KLHL1: variants seen among roughly 807,000 people sequenced by gnomAD.
KLHL1 encodes kelch like family member 1, also known as kelch-like protein 1.
In KLHL1, 47 loss-of-function variants were observed where a neutral mutation model predicts 77.7. That is an observed-to-expected ratio of 0.60 (90% CI 0.48 to 0.77). The LOEUF is 0.77. Ranked by LOEUF, KLHL1 falls within the 30% of genes least tolerant of loss-of-function variation. The pLI is 0.00. For synonymous variants in KLHL1, 360 were observed against 325.2 expected, an observed-to-expected ratio of 1.11 and a Z score of -1.15; for missense variants, 925 against 910.8, an observed-to-expected ratio of 1.02 and a Z score of -0.20.
At chr13:70,029,147 G>A (rs5000345) in intron 1 of KLHL1, among the ~76,000 whole-genome samples, 93,020 of 151,930 alleles carry the variant, frequency 0.61, 30,237 homozygotes, top group East Asian at 0.81. Flanking sequence ...TTGTGGTTGG[G>A]GGACTGGTAA....
At chr13:69,964,007 A>G (rs1410669536) in intron 2 of KLHL1, among the ~76,000 whole-genome samples, 1 of 151,970 alleles carries the variant, frequency 6.6e-6, no homozygotes. Flanking sequence ...ATACAATTTC[A>G]TTATCAATTA....
In KLHL1 at chr13:70,039,714, A is replaced by C. The variant is rs76267849; in HGVS notation, c.498-63912T>G. 0.025 allele frequency among the ~76,000 whole-genome samples: 3,600 copies of C among 141,198 alleles called. 370 individuals are homozygous for C. The East Asian group carries it at 0.35, about 14-fold the overall frequency. 92.6% of individuals were successfully genotyped at this position (141,198 alleles called of 152,430 possible). A position where few individuals can be genotyped will look rare whatever the true frequency, so the allele number is the denominator to read the frequency against. The stretch of plus-strand genomic sequence containing the variant: ...GAGAATAGTGGTGCCATCTCTGCTC[A>C]CTGCAACCTCTGCCTCCTGGACTCA... On this transcript the variant is annotated intron_variant, in intron 1 of 10. Transcript: ENST00000377844.
intron 1 of KLHL1, among the ~76,000 whole-genome samples, chr13:70,076,504 A>G (rs1409662736): frequency 1.3e-5 from 2 of 151,830 alleles, no homozygotes; most frequent in Non-Finnish European, 2.9e-5. Flanking sequence ...ATACAATGAA[A>G]AATTATAAAA....
intron 1 of KLHL1, among the ~76,000 whole-genome samples, chr13:70,093,171 G>A (rs1593737989): frequency 6.6e-6 from 1 of 152,088 alleles, no homozygotes; most frequent in Non-Finnish European, 1.5e-5. Context: ...CTTAGAAGAG[G>A]TGAAAATACG....
chr13:69,811,934 C>T (rs903009692), intron 6 of KLHL1, among the ~76,000 whole-genome samples: 3 of 151,944 alleles, frequency 2.0e-5, no homozygotes, highest in Non-Finnish European at 2.9e-5. Context: ...TTATTTCTTG[C>T]CTTCTGCTAG....
At chr13:69,894,864 C>T in intron 4 of KLHL1, 1 of 276,840 alleles carries the variant, frequency 3.6e-6, no homozygotes, top group Admixed American at 4.2e-5. Flanking sequence ...CCTTTCCCAC[C>T]TTCTTCACCC....
At chr13:69,899,712 A>G (rs1881789828) in intron 4 of KLHL1, among the ~76,000 whole-genome samples, 1 of 152,072 alleles carries the variant, frequency 6.6e-6, no homozygotes, top group East Asian at 1.9e-4. Context: ...GCCGGAAAGG[A>G]ACAATAGAGA....
At position 70,107,394 on chromosome 13, in the gene KLHL1, C is replaced by T. The variant is rs763952774; in HGVS notation, c.306G>A (p.Arg102=). The T allele has an allele frequency of 6.2e-7, 1 of 1,613,818 alleles. No individual in the cohort carries two copies. The highest frequency in any genetic ancestry group is 1.7e-5 in the Admixed American group (1 of 60,024). The change falls in exon 1 of 11, where the codon AGG becomes AGA. Residue 102 remains arginine, a synonymous_variant. Coordinates refer to ENST00000377844, the MANE Select transcript of KLHL1 (RefSeq NM_020866.3). The stretch of plus-strand genomic sequence containing the variant: ...CCTGCCCAGGAGCCCCTTGCTGCAG[C>T]CTCGTGGCAACTGGAAGCAGGGTGC... ...LNGTLLPVAT[R]LQQGAPGQGT... is the part of the protein sequence containing the mutation.
intron 4 of KLHL1, among the ~76,000 whole-genome samples, chr13:69,935,947 G>A (rs761270000): frequency 3.3e-5 from 5 of 151,938 alleles, no homozygotes; most frequent in African/African-American, 9.7e-5. Context: ...AAAGAAATCC[G>A]CAATATATTT....
intron 1 of KLHL1, among the ~76,000 whole-genome samples, chr13:70,051,157 T>C (rs547617586): frequency 6.6e-6 from 1 of 152,116 alleles, no homozygotes; most frequent in East Asian, 1.9e-4. Context: ...TAAGAAATGT[T>C]TTCACACAAA....
chr13:69,845,052 C>T (rs1309149702), intron 5 of KLHL1, among the ~76,000 whole-genome samples: 1 of 151,608 alleles, frequency 6.6e-6, no homozygotes, highest in Non-Finnish European at 1.5e-5. Flanking sequence ...GCTTCAAGAG[C>T]CTAACCTTGC....
chr13:69,844,716 C>A (rs1046420038), intron 5 of KLHL1, among the ~76,000 whole-genome samples: 1 of 151,510 alleles, frequency 6.6e-6, no homozygotes, highest in Non-Finnish European at 1.5e-5. Context: ...ATAAAATGTT[C>A]ATTTTCTGAG....
rs112617747 is a variant in KLHL1, at chr13:69,861,880, G to T, written c.1227+20403C>A. 4.6e-3 allele frequency among the ~76,000 whole-genome samples: 686 copies of T among 150,412 alleles called. 11 individuals carry two copies. The highest frequency in any genetic ancestry group is 0.016 in the African/African-American group (656 of 41,024). ...CTCAGGAGTCTGAGGCAGGAGAATT[G>T]CCTGAACCTGGGAGGCGGAGGTTGT... On this transcript the variant is annotated intron_variant, in intron 5 of 10. Coordinates refer to ENST00000377844, the MANE Select transcript of KLHL1 (RefSeq NM_020866.3).
chr13:69,770,889 G>A (rs1010507144), intron 7 of KLHL1, among the ~76,000 whole-genome samples: 1 of 152,132 alleles, frequency 6.6e-6, no homozygotes, highest in African/African-American at 2.4e-5. Context: ...GGGATTACAG[G>A]CACACACCAC....
chr13:69,982,950 A>G (rs1884754946), intron 1 of KLHL1, among the ~76,000 whole-genome samples: 1 of 152,168 alleles, frequency 6.6e-6, no homozygotes, highest in Non-Finnish European at 1.5e-5. Context: ...ATGATTTTAT[A>G]TGTAGAAAAC....
intron 10 of KLHL1, among the ~76,000 whole-genome samples, chr13:69,705,918 GATATT>G (rs1328356314): frequency 1.3e-5 from 2 of 151,470 alleles, no homozygotes; most frequent in African/African-American, 4.8e-5. Flanking sequence ...TATGTATTCA[GATATT>G]ATATTACATC....
At chr13:69,879,361 T>G (rs1434783245) in intron 5 of KLHL1, among the ~76,000 whole-genome samples, 1 of 152,126 alleles carries the variant, frequency 6.6e-6, no homozygotes, top group Non-Finnish European at 1.5e-5. Context: ...TCTTTTCTAT[T>G]TTTTTCCTAT....
intron 4 of KLHL1, 103 bp from the exon 5 acceptor site, chr13:69,882,598 A>G (rs3812856): frequency 0.03 from 22,310 of 734,272 alleles, 451 homozygotes; most frequent in African/African-American, 0.058. Context: ...TGTTCTTATT[A>G]TAACATAATC....
At chr13:69,986,576 C>G (rs182815681) in intron 1 of KLHL1, among the ~76,000 whole-genome samples, 1 of 151,914 alleles carries the variant, frequency 6.6e-6, no homozygotes, top group African/African-American at 2.4e-5. Flanking sequence ...GAAAACTATG[C>G]GAATTACATT....
Sources: allele counts gnomAD v4.1 joint callset (sites outside exome capture counted in the v4.1 genomes callset), GRCh38; gene constraint gnomAD v4.1.1; transcripts MANE v1.5; gene names NCBI Gene and HGNC (gene_info 2026-07-23, HGNC 2026-07-21).